Variants in PIEZO2 observed in about 807,000 individuals in gnomAD.
PIEZO2 encodes piezo-type mechanosensitive ion channel component 2.
A neutral mutation model predicts 337.3 loss-of-function variants in PIEZO2; 172 were observed. The observed-to-expected ratio is 0.51, with a 90% confidence interval of 0.45 to 0.58. PIEZO2 has a LOEUF of 0.58. Ranked by LOEUF, PIEZO2 falls within the 20% of genes least tolerant of loss-of-function variation. The pLI, the probability that PIEZO2 is intolerant of heterozygous loss-of-function variation, is 0.00. For missense variants in PIEZO2, 3,028 were observed against 3,391.3 expected (o/e 0.89, Z 2.66); for synonymous variants, 1,251 against 1,228.5 (o/e 1.02, Z -0.38).
rs556012100 is a variant in PIEZO2 at position 10,858,918 on chromosome 18, C to A, written c.493-1707G>T. On this transcript the variant is annotated intron_variant, in intron 5 of 55. Coordinates refer to ENST00000674853, the MANE Select transcript of PIEZO2 (RefSeq NM_001378183.1). ...ATATTTTTTTCTGAAGCAAAAGGAA[C>A]ATCTCATGCTCAATCAATAAGATTT... Among the ~76,000 whole-genome samples, 74 of 152,306 alleles carry A rather than the reference C, an allele frequency of 4.9e-4. 2 individuals are homozygous for A. The South Asian group carries it at 0.013, about 26-fold the overall frequency.
At chr18:11,006,524 C>G (rs1265798872) in intron 2 of PIEZO2, among the ~76,000 whole-genome samples, 1 of 152,158 alleles carries the variant, frequency 6.6e-6, no homozygotes, top group Non-Finnish European at 1.5e-5. Context: ...CACTCTTTGC[C>G]TCCTCAGAGT....
In PIEZO2 at chr18:10,847,565, T is replaced by C. The variant is rs1677735676; in HGVS notation, c.917+7788A>G. ...TGTCGTGGCTGAGTAGGACACCTCA[T>C]TGCCCTGGGATCCCGGTCCCCACTA... On this transcript the variant is annotated intron_variant, in intron 7 of 55. Coordinates refer to ENST00000674853, the MANE Select transcript of PIEZO2 (RefSeq NM_001378183.1). The surrounding 1 kb of genome is among the most constrained non-coding windows in gnomAD (Gnocchi z 5.7). 1.3e-5 allele frequency among the ~76,000 whole-genome samples: 2 copies of C among 152,148 alleles called. No individual in the cohort carries two copies. The highest frequency in any genetic ancestry group is 2.4e-5 in the African/African-American group (1 of 41,448).
At chr18:11,088,922 G>A (rs548765068) in intron 1 of PIEZO2, among the ~76,000 whole-genome samples, 10 of 152,354 alleles carry the variant, frequency 6.6e-5, no homozygotes, top group Admixed American at 3.3e-4. Context: ...ACCAGGAGGT[G>A]TAAAGAAATG....
rs553119790 is a variant in PIEZO2, at chr18:10,708,938, A to C, written c.5424-499T>G. Among the ~76,000 whole-genome samples, 415 of 152,238 alleles carry C rather than the reference A, an allele frequency of 2.7e-3. 2 individuals are homozygous for C. The highest frequency in any genetic ancestry group is 3.2e-3 in the Non-Finnish European group (219 of 68,006). ...TTTAACACGGTCTTCAGAATTAGAG[A>C]GGGGAAACTCAGGAATGACAACAAA... On this transcript the variant is annotated intron_variant, in intron 39 of 55. Coordinates refer to ENST00000674853, the MANE Select transcript of PIEZO2 (RefSeq NM_001378183.1).
chr18:10,874,930 G>GTT (rs1265796835), intron 4 of PIEZO2, among the ~76,000 whole-genome samples: 1 of 152,084 alleles, frequency 6.6e-6, no homozygotes, highest in African/African-American at 2.4e-5. Flanking sequence ...ATTAATAATA[G>GTT]TTTATTATAT....
rs1378497575 is a variant in PIEZO2 at position 10,715,815 on chromosome 18, A to G, written c.5091T>C (p.Asp1697=). 1 of 1,518,922 alleles carries G rather than the reference A, an allele frequency of 6.6e-7. No individual in the cohort carries two copies. Among genetic ancestry groups the G allele is most frequent in the African/African-American group, 1.4e-5 (1 of 72,460 alleles). The allele number at this position is 1,518,922 out of a possible 1,614,324, so 94.1% of individuals were successfully genotyped here. The change falls in exon 38 of 56, where the codon GAT becomes GAC. Residue 1697 remains aspartate, a splice_region_variant and synonymous_variant. Coordinates refer to ENST00000674853, the MANE Select transcript of PIEZO2 (RefSeq NM_001378183.1). Reference sequence around the variant, plus strand: ...TATTAAATATCCTCTTGATGATATTATCTAGGAGGAAGAAAGGCAACAAGA... The same window carrying G: ...TATTAAATATCCTCTTGATGATATTGTCTAGGAGGAAGAAAGGCAACAAGA... ...EPIKKKSDGP[D]NIIKRIFNIL...
intron 7 of PIEZO2, among the ~76,000 whole-genome samples, chr18:10,816,669 GA>G (rs36064839): frequency 6.6e-6 from 1 of 151,384 alleles, no homozygotes; most frequent in African/African-American, 2.4e-5. Context: ...TACCCAAAAG[GA>G]AAAAAAATTG....
chr18:11,051,062 G>A (rs1314604155), intron 2 of PIEZO2, among the ~76,000 whole-genome samples: 1 of 152,072 alleles, frequency 6.6e-6, no homozygotes, highest in East Asian at 1.9e-4. Context: ...CCATTTTATG[G>A]GCCTCAGCAA....
chr18:10,753,402 G>T (rs1160125103), intron 27 of PIEZO2, among the ~76,000 whole-genome samples: 1 of 152,162 alleles, frequency 6.6e-6, no homozygotes, highest in Non-Finnish European at 1.5e-5. Flanking sequence ...TCTGTTTCTG[G>T]AGGTCCTCAG....
chr18:10,928,712 A>G (rs1352034421), intron 3 of PIEZO2, among the ~76,000 whole-genome samples: 1 of 152,208 alleles, frequency 6.6e-6, no homozygotes, highest in African/African-American at 2.4e-5. Flanking sequence ...ATAATAGCCA[A>G]AAGTTCCCCC....
intron 4 of PIEZO2, among the ~76,000 whole-genome samples, chr18:10,905,811 A>G (rs183378351): frequency 2.0e-5 from 3 of 152,240 alleles, no homozygotes; most frequent in South Asian, 2.1e-4. Context: ...CAATTTCCCT[A>G]TTAAGAAGTC....
Position 10,979,748 on chromosome 18 carries a change from TTAGA to T in PIEZO2, c.161-92_161-89del. ...CTTGTACATATTTCTGTATAACCTATTAGATAGACCGACTCAAAAGTATATGGAA... is the reference window on the plus strand; with the variant it reads ...CTTGTACATATTTCTGTATAACCTATTAGACCGACTCAAAAGTATATGGAA... On this transcript the variant is annotated intron_variant, in intron 2 of 55. Coordinates refer to ENST00000674853, the MANE Select transcript of PIEZO2 (RefSeq NM_001378183.1). This position sits in a 1 kb window ranked among gnomAD's most constrained non-coding sequence, Gnocchi z 4.0. 8.2e-7 allele frequency: 1 copy of T among 1,218,964 alleles called. No individual in the cohort carries two copies. The highest frequency in any genetic ancestry group is 1.1e-6 in the Non-Finnish European group (1 of 933,968). 75.5% of individuals were successfully genotyped at this position (1,218,964 alleles called of 1,614,324 possible).
chr18:10,753,017 C>T (rs2037704676), intron 27 of PIEZO2, 138 bp from the exon 28 acceptor site: 5 of 1,126,836 alleles, frequency 4.4e-6, no homozygotes, highest in East Asian at 2.6e-5. Flanking sequence ...TCATTTAATC[C>T]TGCTATCTAG....
Position 10,752,809 on chromosome 18 carries a change from T to C in PIEZO2, c.3994A>G (p.Ile1332Val). The change falls in exon 28 of 56, where the codon ATC becomes GTC. Residue 1332 changes from isoleucine to valine, a missense_variant. Ile to Val is a conservative substitution (Grantham distance 29, BLOSUM62 3). This residue lies in a region of PIEZO2 where 1,925 missense variants were observed against 2,051.9 expected (regional missense o/e 0.94). Transcript: ENST00000674853. Reference protein sequence around the residue: ...LFWFVLTIIFITGTTRISIFC... With the variant: ...LFWFVLTIIFVTGTTRISIFC... ...ATGCTGATCCTGGTGGTCCCAGTGA[T>C]GAAGATGATGGTGAGCACAAACCAG... The C allele has an allele frequency of 6.5e-7, 1 of 1,537,106 alleles. No homozygotes were observed. The highest frequency in any genetic ancestry group is 8.7e-7 in the Non-Finnish European group (1 of 1,146,884).
At chr18:10,843,401 C>A (rs73394740) in intron 7 of PIEZO2, among the ~76,000 whole-genome samples, 4 of 151,934 alleles carry the variant, frequency 2.6e-5, no homozygotes, top group Non-Finnish European at 5.9e-5. Flanking sequence ...CTTTAGATTT[C>A]ATTTTATACG....
In PIEZO2 at chr18:10,872,241, C is replaced by A. The variant is rs1377560620; in HGVS notation, c.330-826G>T. ...TCAATTGACACTTAGATAATTTTCA[C>A]ACATATAGGGCATTTTTGTTATAAT... is the stretch of plus-strand genomic sequence containing the variant. On this transcript the variant is annotated intron_variant, in intron 4 of 55. Transcript: ENST00000674853. The surrounding 1 kb of genome is among the most constrained non-coding windows in gnomAD (Gnocchi z 4.3). 6.6e-6 allele frequency among the ~76,000 whole-genome samples: 1 copy of A among 152,152 alleles called. No individual in the cohort carries two copies. The highest frequency in any genetic ancestry group is 1.5e-5 in the Non-Finnish European group (1 of 68,032).
At chr18:10,950,781 C>T (rs530262625) in intron 3 of PIEZO2, among the ~76,000 whole-genome samples, 7 of 152,282 alleles carry the variant, frequency 4.6e-5, no homozygotes, top group East Asian at 3.9e-4. Flanking sequence ...ACTGTTTAAA[C>T]GGTATCTTCA....
At position 11,036,570 on chromosome 18, in the gene PIEZO2, A is replaced by G. The variant is rs577661559; in HGVS notation, c.160+29557T>C. 1.1e-3 allele frequency among the ~76,000 whole-genome samples: 165 copies of G among 151,890 alleles called. 1 individual carries two copies. The highest frequency in any genetic ancestry group is 3.9e-3 in the African/African-American group (160 of 41,498). On this transcript the variant is annotated intron_variant, in intron 2 of 55. Transcript: ENST00000674853. ...CTGTGGAATAAAATAAGATATAAAT[A>G]AAGAAATCAAATATTTATATTTAAT...
intron 33 of PIEZO2, 56 bp from the exon 34 acceptor site, chr18:10,736,766 G>A: frequency 6.7e-7 from 1 of 1,502,220 alleles, no homozygotes; most frequent in Non-Finnish European, 8.9e-7. Flanking sequence ...GAAATTGGGG[G>A]CTTATTAATG....
Sources: allele counts gnomAD v4.1 joint callset (sites outside exome capture counted in the v4.1 genomes callset), GRCh38; gene constraint gnomAD v4.1.1; regional missense constraint gnomAD v4.1.1; non-coding constraint Gnocchi (gnomAD v3.1); transcripts MANE v1.5; gene names NCBI Gene and HGNC (gene_info 2026-07-23, HGNC 2026-07-21).